SRI: variants seen among roughly 807,000 people sequenced by gnomAD.
The protein encoded by SRI is 22 kDa protein.
A neutral mutation model predicts 33.3 loss-of-function variants in SRI; 30 were observed. The ratio of observed to expected loss-of-function variants is 0.90; its 90% CI spans 0.67 to 1.22. The LOEUF is 1.22. Among genes scored for constraint, SRI ranks in the 50% most tolerant of loss-of-function variants. The pLI, the probability that SRI is intolerant of heterozygous loss-of-function variation, is 0.00. For missense variants in SRI, 243 were observed against 250.8 expected (o/e 0.97, Z 0.21); for synonymous variants, 75 against 89.9 (o/e 0.83, Z 0.94).
At chr7:88,225,780 G>T (rs1851980449) in intron 1 of SRI, among the ~76,000 whole-genome samples, 2 of 152,108 alleles carry the variant, frequency 1.3e-5, no homozygotes, top group Admixed American at 6.5e-5. Flanking sequence ...ATGTGTTTCA[G>T]AAATCAGAAT....
chr7:88,219,335 T>G, intron 1 of SRI: 1 of 290,360 alleles, frequency 3.4e-6, no homozygotes, highest in South Asian at 3.3e-5. Flanking sequence ...AAGGCTGGAG[T>G]TGGTAACATT....
Position 88,209,479 on chromosome 7 carries a change from G to T in SRI, c.398-27C>A, listed in dbSNP as rs777265571. The T allele has an allele frequency of 2.9e-5, 46 of 1,562,930 alleles. No homozygotes were observed. In the East Asian group the frequency reaches 9.0e-4, roughly 30 times the overall value. Reference sequence around the variant, plus strand: ...TAAAAGAAAAGCCATCCAGTAAAAAGGTTAAAGGATTGCAGAAGCTCATTA... The same window carrying T: ...TAAAAGAAAAGCCATCCAGTAAAAATGTTAAAGGATTGCAGAAGCTCATTA... On this transcript the variant is annotated intron_variant, in intron 5 of 7. Transcript: ENST00000265729.
rs747417833 is a variant in SRI, at chr7:88,218,828, C to T, written c.135+31G>A. On this transcript the variant is annotated intron_variant, in intron 2 of 7. Transcript: ENST00000265729. ...AAGCTACCACAAATGCAGACAATAA[C>T]GGCTCTTTAATATTAAAGGGAAAAG... 2.5e-5 allele frequency: 40 copies of T among 1,597,838 alleles called. 1 individual carries two copies. The highest frequency in any genetic ancestry group is 1.7e-4 in the Middle Eastern group (1 of 6,054).
intron 3 of SRI, among the ~76,000 whole-genome samples, chr7:88,211,454 CA>C (rs922802069): frequency 8.9e-4 from 122 of 137,512 alleles, no homozygotes; most frequent in Middle Eastern, 3.7e-3. Flanking sequence ...GACTCCATCT[CA>C]AAAAAAAAAA....
rs763976043 is a variant in SRI, at chr7:88,206,495, A to G, written c.580T>C (p.Cys194Arg). ...VNFPYDDFIQ[C>R]VMSV ...CTCTTGATTTAAACACTCATGACACATTGAATGAACTGAAAGAAAAATCAG... is the reference window on the plus strand; with the variant it reads ...CTCTTGATTTAAACACTCATGACACGTTGAATGAACTGAAAGAAAAATCAG... Residue 194 changes from cysteine (C) to arginine (R), a missense_variant, in exon 8 of 8, where the codon TGT (cysteine) becomes CGT (arginine). Coordinates refer to ENST00000265729, the MANE Select transcript of SRI (RefSeq NM_003130.4). 4 of 1,613,898 alleles carry G rather than the reference A, an allele frequency of 2.5e-6. No homozygotes were observed. The Admixed American group carries it at 6.7e-5, about 27-fold the overall frequency.
intron 7 of SRI, 78 bp from the exon 8 acceptor site, chr7:88,206,582 G>T: frequency 6.4e-7 from 1 of 1,564,884 alleles, no homozygotes; most frequent in Non-Finnish European, 8.8e-7. Context: ...GCTTACATTT[G>T]GTTTTCTAAT....
At chr7:88,222,691 C>T (rs1031938433), upstream of SRI, among the ~76,000 whole-genome samples, 18 of 152,076 alleles carry the variant, frequency 1.2e-4, no homozygotes, top group Non-Finnish European at 2.1e-4. Context: ...TCAGAAATAA[C>T]GCCGCATACC....
chr7:88,217,494 G>A (rs1851761372), intron 2 of SRI, among the ~76,000 whole-genome samples: 1 of 152,058 alleles, frequency 6.6e-6, no homozygotes, highest in Admixed American at 6.6e-5. Flanking sequence ...TGGGGGTGGA[G>A]AGAGCAAGGT....
Position 88,206,476 on chromosome 7 carries a change from A to T in SRI, c.*2T>A. The T allele has an allele frequency of 6.2e-7, 1 of 1,613,940 alleles. No individual in the cohort carries two copies. The highest frequency in any genetic ancestry group is 1.3e-5 in the African/African-American group (1 of 75,036). ...ATTACATTCATGCAGCTTCCTCTTG[A>T]TTTAAACACTCATGACACATTGAAT... On this transcript the variant is annotated 3_prime_UTR_variant, in exon 8 of 8. Coordinates refer to ENST00000265729, the MANE Select transcript of SRI (RefSeq NM_003130.4).
At chr7:88,220,217 CTT>C, upstream of SRI, 1 of 1,312,464 alleles carries the variant, frequency 7.6e-7, no homozygotes, top group Non-Finnish European at 9.6e-7. Context: ...TTCTTCGTAT[CTT>C]TGCCATTACG....
chr7:88,219,529 T>G, intron 1 of SRI: 2 of 193,588 alleles, frequency 1.0e-5, no homozygotes, highest in South Asian at 1.2e-4. Flanking sequence ...CCGTCCCCCT[T>G]CTCACTCGTT....
chr7:88,214,890 A>G (rs768740032), intron 3 of SRI: 141 of 1,105,610 alleles, frequency 1.3e-4, no homozygotes, highest in Admixed American at 6.0e-4. Flanking sequence ...CCTAGAAGGA[A>G]AGCCCTACCT....
In SRI at chr7:88,218,021, G is replaced by GT. The variant is rs200949708; in HGVS notation, c.136-831dup. On this transcript the variant is annotated intron_variant, in intron 2 of 7. Transcript: ENST00000265729. ...AGTACTACCTTAAAAGTGGTCTTAG[G>GT]TTTTTTATCCCATAATATTCTACAG... Among the ~76,000 whole-genome samples the GT allele has an allele frequency of 8.4e-3, 1,276 of 152,220 alleles. 23 individuals carry two copies. Among genetic ancestry groups the GT allele is most frequent in the African/African-American group, 0.03 (1,227 of 41,512 alleles).
intron 4 of SRI, 137 bp from the exon 5 acceptor site, chr7:88,210,267 A>T: frequency 9.3e-7 from 1 of 1,075,504 alleles, no homozygotes; most frequent in Non-Finnish European, 1.4e-6. Flanking sequence ...ATGTAAAATT[A>T]ATGATTTAAA....
chr7:88,218,627 C>G (rs1270787175), intron 2 of SRI: 1 of 474,896 alleles, frequency 2.1e-6, no homozygotes, highest in Non-Finnish European at 3.8e-6. Context: ...CCCTTTAATT[C>G]AACCACAAGT....
intron 3 of SRI, among the ~76,000 whole-genome samples, chr7:88,214,340 G>C (rs944776922): frequency 1.3e-5 from 2 of 152,156 alleles, no homozygotes; most frequent in African/African-American, 4.8e-5. Context: ...TTTGGTCAGG[G>C]GAGGGTGCAT....
intron 4 of SRI, 40 bp downstream of exon 4, chr7:88,210,842 A>C (rs1180731199): frequency 1.3e-6 from 2 of 1,509,434 alleles, no homozygotes. Context: ...TTAGAATTTT[A>C]GAAAAAATTA....
rs1255420496 is a variant in SRI at position 88,205,407 on chromosome 7, G to T, written c.*1071C>A. 1 of 152,082 alleles carries T rather than the reference G, an allele frequency of 6.6e-6. No homozygotes were observed. Among genetic ancestry groups the T allele is most frequent in the Non-Finnish European group, 1.5e-5 (1 of 68,006 alleles). 9.4% of individuals were successfully genotyped at this position (152,082 alleles called of 1,614,324 possible). ...TTCAAAGATGGGGAAACTGAAACTG[G>T]GCATTATCTATAATGACCAAACCAC... On this transcript the variant is annotated 3_prime_UTR_variant, in exon 8 of 8. Coordinates refer to ENST00000265729, the MANE Select transcript of SRI (RefSeq NM_003130.4).
At chr7:88,207,477 T>C (rs556632954) in intron 7 of SRI, among the ~76,000 whole-genome samples, 1 of 152,262 alleles carries the variant, frequency 6.6e-6, no homozygotes, top group Non-Finnish European at 1.5e-5. Flanking sequence ...GAATATTCAG[T>C]GATTACAGTC....
Sources: gnomAD v4.1 joint callset for allele counts (sites outside exome capture counted in the v4.1 genomes callset) on GRCh38, gnomAD v4.1.1 for gene constraint, MANE v1.5 for transcripts, NCBI Gene and HGNC (gene_info 2026-07-23, HGNC 2026-07-21) for gene names.